Variants in ADGRF4 observed in about 807,000 individuals in gnomAD.
The protein encoded by ADGRF4 is G-protein coupled receptor PGR18.
In ADGRF4, 63 loss-of-function variants were observed where a neutral mutation model predicts 58.5. The ratio of observed to expected loss-of-function variants is 1.08; its 90% confidence interval spans 0.88 to 1.33. The LOEUF (loss-of-function observed/expected upper bound fraction) is 1.33, where lower values mean the gene tolerates loss of function less well. Ranked by LOEUF, ADGRF4 falls within the 40% of genes most tolerant of loss-of-function variation. The pLI is 0.00. For missense variants in ADGRF4, 931 were observed against 843.9 expected (o/e 1.10, Z -1.28); for synonymous variants, 313 against 295.4 (o/e 1.06, Z -0.61).
intron 1 of ADGRF4, among the ~76,000 whole-genome samples, chr6:47,699,890 A>G (rs1415186073): frequency 1.8e-5 from 2 of 113,812 alleles, no homozygotes; most frequent in Non-Finnish European, 4.1e-5. Context: ...TAGGGGAACA[A>G]CACACACACA....
chr6:47,707,680 C>G (rs2092596315), intron 2 of ADGRF4, among the ~76,000 whole-genome samples: 1 of 152,154 alleles, frequency 6.6e-6, no homozygotes, highest in Admixed American at 6.5e-5. Flanking sequence ...AGTTGTTTCA[C>G]TTTTCTGAGT....
Position 47,706,517 on chromosome 6 carries a change from C to T in ADGRF4, c.-16-713C>T, listed in dbSNP as rs79528396. 4.3e-3 allele frequency among the ~76,000 whole-genome samples: 657 copies of T among 152,280 alleles called. 3 individuals carry two copies. Among genetic ancestry groups the T allele is most frequent in the African/African-American group, 0.014 (572 of 41,552 alleles). On this transcript the variant is annotated intron_variant, in intron 1 of 9. Coordinates refer to ENST00000283303, the MANE Select transcript of ADGRF4 (RefSeq NM_153838.5). ...ACAGTGGTTCTCAACTGGGGGAGGTCTTTTCCTCCAAGGGCACATTTGACA... is the reference window on the plus strand; with the variant it reads ...ACAGTGGTTCTCAACTGGGGGAGGTTTTTTCCTCCAAGGGCACATTTGACA...
intron 8 of ADGRF4, among the ~76,000 whole-genome samples, chr6:47,717,828 T>A (rs887330084): frequency 6.6e-6 from 1 of 152,206 alleles, no homozygotes; most frequent in Non-Finnish European, 1.5e-5. Flanking sequence ...TTTGAGACTC[T>A]TTTGAGTAAA....
At chr6:47,716,906 G>A (rs775607656) in intron 7 of ADGRF4, 59 bp downstream of exon 7, 8 of 1,221,562 alleles carry the variant, frequency 6.5e-6, no homozygotes, top group African/African-American at 1.5e-5. Context: ...GGAAGCAGGA[G>A]GATGAAGCAG....
intron 9 of ADGRF4, among the ~76,000 whole-genome samples, chr6:47,718,669 A>T (rs1772089745): frequency 6.6e-6 from 1 of 152,056 alleles, no homozygotes; most frequent in South Asian, 2.1e-4. Context: ...ACATGACCAA[A>T]CCCATCACAC....
chr6:47,707,245 T>G lies in ADGRF4; in HGVS notation c.-1T>G. 1 of 1,600,908 alleles carries G rather than the reference T, an allele frequency of 6.2e-7. No individual in the cohort carries two copies. Among genetic ancestry groups the G allele is most frequent in the Non-Finnish European group, 8.6e-7 (1 of 1,168,010 alleles). On this transcript the variant is annotated 5_prime_UTR_variant, in exon 2 of 10. Coordinates refer to ENST00000283303, the MANE Select transcript of ADGRF4 (RefSeq NM_153838.5). ...TCTATTGCAGGTGAAGATCCTCATG[T>G]ATGAAAATGAAGTCCCAGGCAACCA...
intron 9 of ADGRF4, among the ~76,000 whole-genome samples, chr6:47,719,903 A>G (rs1025255481): frequency 6.6e-6 from 1 of 152,160 alleles, no homozygotes; most frequent in African/African-American, 2.4e-5. Context: ...TTCATCACAT[A>G]ATTCTCTATC....
intron 5 of ADGRF4, among the ~76,000 whole-genome samples, 168 bp downstream of exon 5, chr6:47,712,776 T>A (rs1307290826): frequency 6.6e-6 from 1 of 152,212 alleles, no homozygotes; most frequent in East Asian, 1.9e-4. Context: ...ATGGAGGTTT[T>A]CAAGTAGTTA....
chr6:47,714,350 G>C lies in ADGRF4; in HGVS notation c.1105G>C (p.Asp369His). 1 of 1,614,146 alleles carries C rather than the reference G, an allele frequency of 6.2e-7. No individual in the cohort carries two copies. The highest frequency in any genetic ancestry group is 1.3e-5 in the African/African-American group (1 of 75,054). ...TGAGAAAGCGTGCCAAATGATGTTG[G>C]ATATCAGGAACGAAGTGAAATGCCG... ...WDEKACQMMLDIRNEVKCRCN... is the reference protein window; with the variant it reads ...WDEKACQMMLHIRNEVKCRCN... Residue 369 changes from aspartate (D) to histidine (H), a missense_variant, in exon 6 of 10, where the codon GAT (aspartate) becomes CAT (histidine). Transcript: ENST00000283303.
At chr6:47,701,142 A>T (rs1052425323) in intron 1 of ADGRF4, among the ~76,000 whole-genome samples, 2 of 152,066 alleles carry the variant, frequency 1.3e-5, no homozygotes, top group African/African-American at 4.8e-5. Flanking sequence ...GTTTGCCTGT[A>T]ACTCTCTGAG....
chr6:47,707,938 G>C (rs1771759660), intron 2 of ADGRF4, among the ~76,000 whole-genome samples: 2 of 152,024 alleles, frequency 1.3e-5, no homozygotes, highest in Admixed American at 1.3e-4. Context: ...TGTTCTCCCT[G>C]GATGCTTAAA....
At chr6:47,717,513 G>A (rs1382743252) in intron 8 of ADGRF4, among the ~76,000 whole-genome samples, 162 bp downstream of exon 8, 2 of 152,208 alleles carry the variant, frequency 1.3e-5, no homozygotes, top group African/African-American at 4.8e-5. Flanking sequence ...GGAGTGTTCT[G>A]CTAAAACTGA....
At chr6:47,700,927 C>G (rs1771574301) in intron 1 of ADGRF4, among the ~76,000 whole-genome samples, 1 of 151,176 alleles carries the variant, frequency 6.6e-6, no homozygotes, top group Non-Finnish European at 1.5e-5. Context: ...AGAGAAACAT[C>G]AGGTGTTTAC....
chr6:47,712,636 A>G, intron 5 of ADGRF4, 28 bp downstream of exon 5: 2 of 1,534,160 alleles, frequency 1.3e-6, no homozygotes, highest in Non-Finnish European at 1.8e-6. Context: ...TTTAAAAATG[A>G]TGTTTTTCTT....
At chr6:47,708,371 C>A (rs1771775256) in intron 3 of ADGRF4, 93 bp downstream of exon 3, 3 of 885,500 alleles carry the variant, frequency 3.4e-6, no homozygotes, top group East Asian at 5.0e-5. Flanking sequence ...AGACCACAGG[C>A]TTTCCAACTG....
intron 6 of ADGRF4, 73 bp from the exon 7 acceptor site, chr6:47,716,733 A>G: frequency 9.1e-7 from 1 of 1,102,402 alleles, no homozygotes; most frequent in African/African-American, 1.6e-5. Flanking sequence ...TATCTAGAAG[A>G]GCGGTATGAA....
At chr6:47,710,446 C>T (rs1109581) in intron 3 of ADGRF4, among the ~76,000 whole-genome samples, 38,287 of 152,058 alleles carry the variant, frequency 0.25, 5,051 homozygotes, top group African/African-American at 0.3. Flanking sequence ...TGAGTTAACC[C>T]CTGCTTTCCT....
rs775781867 is a variant in ADGRF4, at chr6:47,699,356, A to C, written c.-17+562A>C. ...AGTTGTGAGAGGTCTAAAGTGTTGC[A>C]TCATTAGGTGCTGTTTATTTGTTTG... On this transcript the variant is annotated intron_variant, in intron 1 of 9. Coordinates refer to ENST00000283303, the MANE Select transcript of ADGRF4 (RefSeq NM_153838.5). 1.9e-4 allele frequency among the ~76,000 whole-genome samples: 29 copies of C among 152,188 alleles called. 1 individual carries two copies. The highest frequency in any genetic ancestry group is 3.5e-4 in the Non-Finnish European group (24 of 68,030).
intron 3 of ADGRF4, 148 bp downstream of exon 3, chr6:47,708,426 G>A (rs1771777199): frequency 1.7e-6 from 1 of 598,262 alleles, no homozygotes; most frequent in East Asian, 2.8e-5. Context: ...AGTATTGATA[G>A]ATTCTCTTAC....
Sources: allele counts gnomAD v4.1 joint callset (sites outside exome capture counted in the v4.1 genomes callset), GRCh38; gene constraint gnomAD v4.1.1; transcripts MANE v1.5; gene names NCBI Gene and HGNC (gene_info 2026-07-23, HGNC 2026-07-21).